The following NXPH1 variants were observed in gnomAD, a reference collection of about 807,000 sequenced individuals.
NXPH1 encodes the protein neurexophilin-1.
In NXPH1, 5 loss-of-function variants were observed where a neutral mutation model predicts 23.7. The ratio of observed to expected loss-of-function variants is 0.21; its 90% CI spans 0.11 to 0.44. NXPH1 has a LOEUF of 0.44. Ranked by LOEUF, NXPH1 falls within the 20% of genes least tolerant of loss-of-function variation. The pLI is 0.99. For missense variants in NXPH1, 324 were observed against 321.6 expected (o/e 1.01, Z -0.06); for synonymous variants, 144 against 122.2 (o/e 1.18, Z -1.18).
chr7:8,557,729 C>A (rs1029051530), intron 2 of NXPH1, among the ~76,000 whole-genome samples: 7 of 151,622 alleles, frequency 4.6e-5, no homozygotes, highest in Non-Finnish European at 8.9e-5. Context: ...GCAGGACAAA[C>A]CTCCAGTGAA....
chr7:8,679,359 T>A (rs1821015882), intron 2 of NXPH1, among the ~76,000 whole-genome samples: 1 of 152,168 alleles, frequency 6.6e-6, no homozygotes, highest in Non-Finnish European at 1.5e-5. Context: ...CAAATATAAT[T>A]TCAAGGAATT....
Position 8,435,227 on chromosome 7 carries a change from A to G in NXPH1, c.-110-377A>G, listed in dbSNP as rs1055450093. 1.3e-5 allele frequency: 3 copies of G among 222,534 alleles called. No individual in the cohort carries two copies. Among genetic ancestry groups the G allele is most frequent in the African/African-American group, 7.1e-5 (3 of 42,440 alleles). 13.8% of individuals were successfully genotyped at this position (222,534 alleles called of 1,614,324 possible). A position where few individuals can be genotyped will look rare whatever the true frequency, so the allele number is the denominator to read the frequency against. On this transcript the variant is annotated intron_variant, in intron 1 of 2. Coordinates refer to ENST00000405863, the MANE Select transcript of NXPH1 (RefSeq NM_152745.3). This position sits in a 1 kb window ranked among gnomAD's most constrained non-coding sequence, Gnocchi z 5.9. ...TGTGTGAGCACTGCCAGGGCTGGCG[A>G]AGAACCAGCCGCCGCCTTTAGTCCG... is the stretch of plus-strand genomic sequence containing the variant.
chr7:8,436,528 C>A (rs1394218280), intron 2 of NXPH1, among the ~76,000 whole-genome samples: 3 of 152,154 alleles, frequency 2.0e-5, no homozygotes, highest in African/African-American at 4.8e-5. Flanking sequence ...ACTGCTGGAA[C>A]TCGGCTCCTG....
At chr7:8,705,777 T>G (rs1471007113) in intron 2 of NXPH1, among the ~76,000 whole-genome samples, 1 of 152,132 alleles carries the variant, frequency 6.6e-6, no homozygotes, top group Non-Finnish European at 1.5e-5. Flanking sequence ...AGATCATCAG[T>G]GTATCTTTAA....
At chr7:8,536,627 T>C (rs1476411367) in intron 2 of NXPH1, among the ~76,000 whole-genome samples, 1 of 151,808 alleles carries the variant, frequency 6.6e-6, no homozygotes, top group Non-Finnish European at 1.5e-5. Flanking sequence ...GGAAGTGACG[T>C]CATTGGTTCA....
At chr7:8,647,161 G>C (rs1463548741) in intron 2 of NXPH1, among the ~76,000 whole-genome samples, 1 of 152,242 alleles carries the variant, frequency 6.6e-6, no homozygotes, top group African/African-American at 2.4e-5. Context: ...ATCAGTCAGA[G>C]CCAAGTGTGG....
intron 2 of NXPH1, among the ~76,000 whole-genome samples, chr7:8,627,657 C>T (rs2115131397): frequency 6.6e-6 from 1 of 152,202 alleles, no homozygotes; most frequent in Admixed American, 6.5e-5. Context: ...CAATGAGATT[C>T]ATTGGTTTCC....
chr7:8,616,683 A>G (rs1318529530), intron 2 of NXPH1, among the ~76,000 whole-genome samples: 1 of 152,008 alleles, frequency 6.6e-6, no homozygotes, highest in African/African-American at 2.4e-5. Flanking sequence ...AGGGAAAGAC[A>G]TTGTTGCTTT....
At chr7:8,672,857 C>A (rs1820892531) in intron 2 of NXPH1, among the ~76,000 whole-genome samples, 1 of 152,114 alleles carries the variant, frequency 6.6e-6, no homozygotes, top group Admixed American at 6.6e-5. Context: ...CTTTTCTTGG[C>A]CTGAGCATCT....
At chr7:8,546,511 A>G (rs781426554) in intron 2 of NXPH1, among the ~76,000 whole-genome samples, 5 of 151,292 alleles carry the variant, frequency 3.3e-5, no homozygotes, top group African/African-American at 4.8e-5. Context: ...ATTAAAATGC[A>G]TATTCCCTGG....
chr7:8,596,950 A>C (rs1172023408), intron 2 of NXPH1, among the ~76,000 whole-genome samples: 1 of 152,146 alleles, frequency 6.6e-6, no homozygotes, highest in Admixed American at 6.6e-5. Context: ...AAAAGGAACT[A>C]TTAATATTAT....
intron 2 of NXPH1, among the ~76,000 whole-genome samples, chr7:8,470,071 C>T (rs1322766318): frequency 6.6e-6 from 1 of 152,132 alleles, no homozygotes; most frequent in Non-Finnish European, 1.5e-5. Flanking sequence ...AGTTGACATG[C>T]ATGCACTACA....
At chr7:8,638,077 A>G (rs144705655) in intron 2 of NXPH1, among the ~76,000 whole-genome samples, 1 of 152,322 alleles carries the variant, frequency 6.6e-6, no homozygotes, top group Non-Finnish European at 1.5e-5. Flanking sequence ...ATTACTTTGA[A>G]CAGAAAAAAC....
At chr7:8,625,408 C>G (rs1013130860) in intron 2 of NXPH1, among the ~76,000 whole-genome samples, 2 of 152,112 alleles carry the variant, frequency 1.3e-5, no homozygotes, top group African/African-American at 4.8e-5. Flanking sequence ...TTTTCTACAT[C>G]CTATTAGTTC....
At chr7:8,702,728 T>C (rs918174874) in intron 2 of NXPH1, among the ~76,000 whole-genome samples, 6 of 152,078 alleles carry the variant, frequency 3.9e-5, no homozygotes, top group Non-Finnish European at 5.9e-5. Flanking sequence ...TAGGAAGGCA[T>C]AGGTGGTACT....
At chr7:8,627,439 A>C (rs1351641602) in intron 2 of NXPH1, among the ~76,000 whole-genome samples, 3 of 152,178 alleles carry the variant, frequency 2.0e-5, no homozygotes, top group Non-Finnish European at 4.4e-5. Flanking sequence ...AAAACAAAGA[A>C]AAGACTTCCA....
At chr7:8,686,056 C>A (rs1821141770) in intron 2 of NXPH1, among the ~76,000 whole-genome samples, 1 of 152,000 alleles carries the variant, frequency 6.6e-6, no homozygotes, top group Non-Finnish European at 1.5e-5. Context: ...CTACTATATA[C>A]CCACAAAAAT....
chr7:8,567,938 A>T (rs1413806725), intron 2 of NXPH1, among the ~76,000 whole-genome samples: 1 of 151,924 alleles, frequency 6.6e-6, no homozygotes, highest in Admixed American at 6.6e-5. Flanking sequence ...ACTCCAAATC[A>T]AGTCCAACCC....
intron 2 of NXPH1, among the ~76,000 whole-genome samples, chr7:8,522,986 T>A (rs1386616119): frequency 6.6e-6 from 1 of 152,230 alleles, no homozygotes; most frequent in African/African-American, 2.4e-5. Context: ...GCTGTGTAAC[T>A]TTGGGCAAAT....
Sources: allele counts gnomAD v4.1 joint callset (sites outside exome capture counted in the v4.1 genomes callset), GRCh38; gene constraint gnomAD v4.1.1; non-coding constraint Gnocchi (gnomAD v3.1); transcripts MANE v1.5; gene names NCBI Gene and HGNC (gene_info 2026-07-23, HGNC 2026-07-21).